PTPRK: variants seen among roughly 807,000 people sequenced by gnomAD.
The protein encoded by PTPRK is receptor-type tyrosine-protein phosphatase kappa.
In PTPRK, 75 loss-of-function variants were observed where a neutral mutation model predicts 178.0. The observed-to-expected ratio is 0.42, with a 90% CI of 0.35 to 0.51. PTPRK has a LOEUF of 0.51. Ranked by LOEUF, PTPRK falls within the 20% of genes least tolerant of loss-of-function variation. The pLI, the probability that PTPRK is intolerant of heterozygous loss-of-function variation, is 0.02. For missense variants in PTPRK, 1,441 were observed against 1,797.8 expected (o/e 0.80, Z 3.59); for synonymous variants, 637 against 620.6 (o/e 1.03, Z -0.39).
chr6:128,287,945 C>G (rs1393451802), intron 3 of PTPRK, among the ~76,000 whole-genome samples: 1 of 152,092 alleles, frequency 6.6e-6, no homozygotes, highest in Non-Finnish European at 1.5e-5. Flanking sequence ...TCCAAACATT[C>G]TCTTCTTATC....
intron 27 of PTPRK, among the ~76,000 whole-genome samples, chr6:127,974,461 G>T (rs534394366): frequency 6.6e-6 from 1 of 152,090 alleles, no homozygotes; most frequent in South Asian, 2.1e-4. Flanking sequence ...TCCTTGCTTG[G>T]TCTTCTCAAT....
At chr6:128,083,242 G>A (rs948297069) in intron 9 of PTPRK, among the ~76,000 whole-genome samples, 8 of 151,842 alleles carry the variant, frequency 5.3e-5, no homozygotes, top group Non-Finnish European at 1.0e-4. Context: ...AAAAGATAAT[G>A]TTTTATATTC....
intron 3 of PTPRK, among the ~76,000 whole-genome samples, chr6:128,302,005 TTTATC>T (rs1344484806): frequency 1.3e-5 from 2 of 152,134 alleles, no homozygotes; most frequent in Admixed American, 1.3e-4. Context: ...TACAGATAAC[TTTATC>T]TTAAGTTCCC....
At chr6:127,978,652 A>AC (rs1032778209) in intron 25 of PTPRK, among the ~76,000 whole-genome samples, 62 of 152,324 alleles carry the variant, frequency 4.1e-4, no homozygotes, top group African/African-American at 1.4e-3. Flanking sequence ...GCTCCATGCA[A>AC]AGGTAAGTCA....
chr6:128,251,648 G>A (rs1816473672), intron 3 of PTPRK, among the ~76,000 whole-genome samples: 1 of 152,118 alleles, frequency 6.6e-6, no homozygotes, highest in Non-Finnish European at 1.5e-5. Flanking sequence ...TACAGTATAG[G>A]TTTAAATATT....
intron 1 of PTPRK, among the ~76,000 whole-genome samples, chr6:128,418,756 G>A (rs187720080): frequency 6.6e-6 from 1 of 152,222 alleles, no homozygotes; most frequent in Admixed American, 6.5e-5. Flanking sequence ...GCAGCAAGGG[G>A]GAAACTGAGG....
chr6:128,347,118 A>C (rs759586565), intron 2 of PTPRK, among the ~76,000 whole-genome samples: 2 of 152,154 alleles, frequency 1.3e-5, no homozygotes, highest in Non-Finnish European at 2.9e-5. Context: ...AAAGCTCCTA[A>C]TAAATGAATA....
intron 1 of PTPRK, among the ~76,000 whole-genome samples, chr6:128,507,297 T>C (rs1856515855): frequency 6.6e-6 from 1 of 152,144 alleles, no homozygotes; most frequent in Admixed American, 6.6e-5. Flanking sequence ...TGTAATCTAG[T>C]AACTTTAATT....
chr6:128,309,960 G>A (rs17055611), intron 3 of PTPRK, among the ~76,000 whole-genome samples: 12,332 of 151,736 alleles, frequency 0.081, 578 homozygotes, highest in African/African-American at 0.12. Context: ...TTCCAGTCTC[G>A]GTGCCTACAA....
chr6:128,004,842 T>C, intron 15 of PTPRK: 1 of 421,708 alleles, frequency 2.4e-6, no homozygotes. Context: ...TGGTATATGT[T>C]TGGAATATCC....
intron 3 of PTPRK, among the ~76,000 whole-genome samples, chr6:128,317,019 C>T (rs1426020997): frequency 6.6e-6 from 1 of 152,066 alleles, no homozygotes; most frequent in Non-Finnish European, 1.5e-5. Flanking sequence ...TTGTTAATAG[C>T]CTATCAAATA....
At chr6:128,285,554 T>C (rs1822358609) in intron 3 of PTPRK, among the ~76,000 whole-genome samples, 1 of 150,104 alleles carries the variant, frequency 6.7e-6, no homozygotes, top group Non-Finnish European at 1.5e-5. Flanking sequence ...CTCATGCCTG[T>C]AATCCCAGCA....
chr6:128,213,861 G>A (rs1808714643), intron 6 of PTPRK, among the ~76,000 whole-genome samples: 3 of 152,100 alleles, frequency 2.0e-5, no homozygotes, highest in South Asian at 4.1e-4. Flanking sequence ...ACACCAAACT[G>A]AAAAGTCACC....
At chr6:128,354,856 T>C (rs544736979) in intron 2 of PTPRK, among the ~76,000 whole-genome samples, 1 of 152,206 alleles carries the variant, frequency 6.6e-6, no homozygotes, top group Non-Finnish European at 1.5e-5. Context: ...AGACTAACTT[T>C]TAATCACACA....
intron 11 of PTPRK, among the ~76,000 whole-genome samples, chr6:128,070,597 T>C (rs1782648790): frequency 6.6e-6 from 1 of 151,980 alleles, no homozygotes; most frequent in African/African-American, 2.4e-5. Context: ...ACATTCTTTG[T>C]GCAATGAGTA....
chr6:128,327,225 T>C (rs954610962), intron 2 of PTPRK, among the ~76,000 whole-genome samples: 10 of 152,172 alleles, frequency 6.6e-5, no homozygotes, highest in Non-Finnish European at 1.0e-4. Context: ...CATGGGAAAT[T>C]GGATCAATAG....
chr6:128,318,148 GA>G (rs1268209022), intron 3 of PTPRK, among the ~76,000 whole-genome samples: 5 of 152,166 alleles, frequency 3.3e-5, no homozygotes, highest in African/African-American at 1.2e-4. Context: ...TATGACAGAG[GA>G]GGGACATCCC....
chr6:128,238,084 T>G, intron 5 of PTPRK: 2 of 445,204 alleles, frequency 4.5e-6, no homozygotes, highest in Non-Finnish European at 9.0e-6. Flanking sequence ...AAAATAGCTT[T>G]TGAATAAATT....
chr6:128,210,505 C>T (rs897084840), intron 6 of PTPRK, among the ~76,000 whole-genome samples: 2 of 151,882 alleles, frequency 1.3e-5, no homozygotes, highest in Non-Finnish European at 1.5e-5. Context: ...AATGTAAAAG[C>T]GTGCATCTAT....
Sources: allele counts gnomAD v4.1 joint callset (sites outside exome capture counted in the v4.1 genomes callset), GRCh38; gene constraint gnomAD v4.1.1; transcripts MANE v1.5; gene names NCBI Gene and HGNC (gene_info 2026-07-23, HGNC 2026-07-21).